CEMIP2: variants seen among roughly 807,000 people sequenced by gnomAD.
CEMIP2 encodes cell surface hyaluronidase CEMIP2.
Under a neutral mutation model 146.9 loss-of-function variants are expected in CEMIP2, and 79 were observed. The observed-to-expected ratio is 0.54, with a 90% CI of 0.45 to 0.65. The LOEUF is 0.65. Among genes scored for constraint, CEMIP2 ranks in the 30% least tolerant of loss-of-function variants. The pLI, the probability that CEMIP2 is intolerant of heterozygous loss-of-function variation, is 0.00. For synonymous variants in CEMIP2, 601 were observed against 606.3 expected (o/e 0.99, Z 0.13); for missense variants, 1,596 against 1,696.2 (o/e 0.94, Z 1.04).
At chr9:71,747,526 G>A (rs903423933) in intron 2 of CEMIP2, among the ~76,000 whole-genome samples, 5 of 152,166 alleles carry the variant, frequency 3.3e-5, no homozygotes, top group African/African-American at 1.2e-4. Flanking sequence ...TGAGATCCAA[G>A]TAGTCCATTT....
intron 5 of CEMIP2, among the ~76,000 whole-genome samples, chr9:71,737,869 T>G (rs1179212542): frequency 6.6e-6 from 1 of 152,182 alleles, no homozygotes; most frequent in Non-Finnish European, 1.5e-5. Context: ...ATAATAGTAA[T>G]TCTAACAACA....
chr9:71,712,187 C>T lies in CEMIP2; in HGVS notation c.2665G>A (p.Val889Met). The T allele has an allele frequency of 6.2e-7, 1 of 1,614,152 alleles. No individual in the cohort carries two copies. Among genetic ancestry groups the T allele is most frequent in the East Asian group, 2.2e-5 (1 of 44,884 alleles). Residue 889 changes from valine (V) to methionine (M), a missense_variant, in exon 16 of 24, where the codon GTG becomes ATG. Val to Met is a conservative substitution (Grantham distance 21, BLOSUM62 1). Transcript: ENST00000377044. The part of the protein sequence containing the change: ...HLTRSTFKKY[V>M]PTPDRYSSAI... ...CTGCTGTACCTATCTGGAGTTGGCA[C>T]ATATTTTTTGAAAGTGCTCCTTGTG... is the stretch of plus-strand genomic sequence containing the variant.
Position 71,730,092 on chromosome 9 carries a change from AT to A in CEMIP2, c.1934del (p.Asp645ValfsTer30). The A allele has an allele frequency of 6.2e-7, 1 of 1,614,174 alleles. No homozygotes were observed. Among genetic ancestry groups the A allele is most frequent in the Non-Finnish European group, 8.5e-7 (1 of 1,180,034 alleles). ...CAGGAATGTAATTTCCAAACACTTTATCTCGCATGGTGGTACACATGGAGTT... is the reference window on the plus strand; with the variant it reads ...CAGGAATGTAATTTCCAAACACTTTACTCGCATGGTGGTACACATGGAGTT... ...RNNSMCTTMR[D>X]KVFGNYIPVP... On this transcript the variant is annotated frameshift_variant, in exon 9 of 24. Coordinates refer to ENST00000377044, the MANE Select transcript of CEMIP2 (RefSeq NM_013390.3). LOFTEE classifies it high-confidence loss of function.
At chr9:71,728,260 C>CGT (rs1554684676) in intron 10 of CEMIP2, among the ~76,000 whole-genome samples, 112 of 6,128 alleles carry the variant, frequency 0.018, 17 homozygotes, top group African/African-American at 0.022. Context: ...TGTATATACA[C>CGT]GTATATATAT....
chr9:71,734,941 A>G lies in CEMIP2; in HGVS notation c.1258T>C (p.Leu420=), dbSNP rs1341574158. The change falls in exon 6 of 24, where the codon TTG becomes CTG. Residue 420 remains leucine (L), a synonymous_variant. Coordinates refer to ENST00000377044, the MANE Select transcript of CEMIP2 (RefSeq NM_013390.3). ...TTCCAACTACTAACATCATCTAGCA[A>G]ATTTAGCTTCACTCCATCTACAACC... ...VEVVDGVKLN[L]LDDVSSWKPG... The G allele has an allele frequency of 2.5e-6, 4 of 1,613,730 alleles. No homozygotes were observed. In the African/African-American group the frequency reaches 5.3e-5, roughly 22 times the overall value.
intron 1 of CEMIP2, among the ~76,000 whole-genome samples, chr9:71,762,502 C>CAAAA (rs1824664130): frequency 1.2e-4 from 2 of 16,154 alleles, no homozygotes; most frequent in African/African-American, 2.7e-4. Context: ...AGCCCCGTCA[C>CAAAA]CAAAAAAAAA....
intron 10 of CEMIP2, among the ~76,000 whole-genome samples, chr9:71,728,519 G>T (rs62547021): frequency 0.07 from 10,580 of 150,246 alleles, 538 homozygotes; most frequent in South Asian, 0.19. Flanking sequence ...TTTTAAATGA[G>T]CAGTTTTAGT....
intron 5 of CEMIP2, among the ~76,000 whole-genome samples, chr9:71,736,204 C>G (rs916714865): frequency 6.6e-6 from 1 of 152,204 alleles, no homozygotes; most frequent in African/African-American, 2.4e-5. Context: ...AACCAACATA[C>G]TGTCCTTTTT....
intron 17 of CEMIP2, among the ~76,000 whole-genome samples, chr9:71,705,468 A>G (rs1822706352): frequency 6.6e-6 from 1 of 152,064 alleles, no homozygotes; most frequent in Non-Finnish European, 1.5e-5. Flanking sequence ...TCCTAAAACA[A>G]ATCAGTATCT....
intron 1 of CEMIP2, among the ~76,000 whole-genome samples, chr9:71,755,033 GAAAAAAA>G (rs963340743): frequency 3.3e-5 from 5 of 151,566 alleles, no homozygotes; most frequent in African/African-American, 1.2e-4. Context: ...CTTCTCTTGG[GAAAAAAA>G]ACTGGTGTAT....
intron 1 of CEMIP2, among the ~76,000 whole-genome samples, chr9:71,752,610 C>T (rs945970258): frequency 6.6e-6 from 1 of 151,886 alleles, no homozygotes; most frequent in African/African-American, 2.4e-5. Flanking sequence ...TACATCCCTT[C>T]CTTAACAACT....
At chr9:71,695,350 A>G (rs556979961) in intron 20 of CEMIP2, among the ~76,000 whole-genome samples, 1 of 152,334 alleles carries the variant, frequency 6.6e-6, no homozygotes, top group East Asian at 1.9e-4. Flanking sequence ...TACACTGTCC[A>G]TATAAACCAA....
chr9:71,728,267 A>ATATATATATGTG (rs1823476178), intron 10 of CEMIP2, among the ~76,000 whole-genome samples: 1 of 11,104 alleles, frequency 9.0e-5, no homozygotes, highest in African/African-American at 1.7e-4. Context: ...ACACGTATAT[A>ATATATATATGTG]TATATATATA....
intron 1 of CEMIP2, among the ~76,000 whole-genome samples, chr9:71,767,289 C>T (rs1824825692): frequency 6.6e-6 from 1 of 152,112 alleles, no homozygotes; most frequent in Non-Finnish European, 1.5e-5. Context: ...CTACCCTTTC[C>T]CCTCTCTCTA....
intron 19 of CEMIP2, chr9:71,699,462 A>G (rs200265528): frequency 2.4e-6 from 1 of 420,076 alleles, no homozygotes; most frequent in Admixed American, 3.1e-5. Context: ...TAAAAAAAAA[A>G]AAAGAAAGAA....
At chr9:71,694,103 AT>A (rs762871539) in intron 21 of CEMIP2, among the ~76,000 whole-genome samples, 2 of 27,602 alleles carry the variant, frequency 7.2e-5, no homozygotes, top group East Asian at 9.6e-4. Context: ...GTTTATTTTT[AT>A]TTATTTATTT....
At position 71,709,352 on chromosome 9, in the gene CEMIP2, A is replaced by T; in HGVS notation, c.2892T>A (p.Tyr964Ter). Reference sequence around the variant, plus strand: ...TCAGGTAGTTGTCCATTCTTCCCACATAAGCATCCTTGTATCCTGTCACAG... The same window carrying T: ...TCAGGTAGTTGTCCATTCTTCCCACTTAAGCATCCTTGTATCCTGTCACAG... ...DGSVTGYKDA[Y>*]VGRMDNYLIR... Residue 964 changes from tyrosine to a stop codon, truncating the protein, a stop_gained, in exon 17 of 24, where the codon TAT (tyrosine) becomes TAA (stop). Transcript: ENST00000377044. LOFTEE classifies it high-confidence loss of function. 6.2e-7 allele frequency: 1 copy of T among 1,614,202 alleles called. No individual in the cohort carries two copies. Among genetic ancestry groups the T allele is most frequent in the Non-Finnish European group, 8.5e-7 (1 of 1,180,016 alleles).
chr9:71,704,652 A>G lies in CEMIP2; in HGVS notation c.3137T>C (p.Ile1046Thr). The change falls in exon 18 of 24, where the codon ATC becomes ACC. Residue 1046 changes from isoleucine to threonine, a missense_variant. By Grantham distance (89) the Ile-to-Thr change is moderately conservative. Coordinates refer to ENST00000377044, the MANE Select transcript of CEMIP2 (RefSeq NM_013390.3). Reference protein sequence around the residue: ...PVVMLEKGYTIHWNGPAPRTT... With the variant: ...PVVMLEKGYTTHWNGPAPRTT... ...CCGTGGTGCCGGCCCATTCCAGTGG[A>G]TGGTATAACCCTTCTCCAGCATGAC... The G allele has an allele frequency of 1.2e-6, 2 of 1,614,164 alleles. No individual in the cohort carries two copies. Among genetic ancestry groups the G allele is most frequent in the Non-Finnish European group, 1.7e-6 (2 of 1,180,022 alleles).
intron 17 of CEMIP2, among the ~76,000 whole-genome samples, chr9:71,707,107 C>T (rs748755759): frequency 4.6e-5 from 7 of 152,162 alleles, no homozygotes; most frequent in Admixed American, 2.0e-4. Flanking sequence ...GGATTACAGG[C>T]GTGAGCCACC....
Sources: gnomAD v4.1 joint callset for allele counts (sites outside exome capture counted in the v4.1 genomes callset) on GRCh38, gnomAD v4.1.1 for gene constraint, MANE v1.5 for transcripts, NCBI Gene and HGNC (gene_info 2026-07-23, HGNC 2026-07-21) for gene names.